Variants in NCKAP5 observed in about 807,000 individuals in gnomAD.
NCKAP5 encodes NCK associated protein 5.
A neutral mutation model predicts 167.0 loss-of-function variants in NCKAP5; 92 were observed. The observed-to-expected ratio is 0.55, with a 90% confidence interval of 0.47 to 0.66. The LOEUF (loss-of-function observed/expected upper bound fraction) is 0.66. Ranked by LOEUF, NCKAP5 falls within the 30% of genes least tolerant of loss-of-function variation. NCKAP5 has a pLI of 0.00. For synonymous variants in NCKAP5, 891 were observed against 877.4 expected, an observed-to-expected ratio of 1.02 and a Z score of -0.27; for missense variants, 2,378 against 2,315.0, an observed-to-expected ratio of 1.03 and a Z score of -0.56.
chr2:133,392,666 G>A (rs919557649), intron 3 of NCKAP5, among the ~76,000 whole-genome samples: 1 of 152,006 alleles, frequency 6.6e-6, no homozygotes, highest in Non-Finnish European at 1.5e-5. Flanking sequence ...GGAGACATAG[G>A]TTCCTCCCCT....
rs756042339 is a variant in NCKAP5 at position 132,784,656 on chromosome 2, A to C, written c.2155T>G (p.Cys719Gly). The C allele has an allele frequency of 6.2e-6, 10 of 1,613,764 alleles. No individual in the cohort carries two copies. The highest frequency in any genetic ancestry group is 8.5e-6 in the Non-Finnish European group (10 of 1,179,824). ...HTELLPQGIA[C>G]LQPRAAARDY... The stretch of plus-strand genomic sequence containing the variant: ...CTTGCAGCAGCTCTTGGCTGTAAAC[A>C]AGCAATTCCCTGAGGTAAAAGCTCA... Residue 719 changes from cysteine (C) to glycine (G), a missense_variant, in exon 14 of 20, where the codon TGT becomes GGT. Coordinates refer to ENST00000409261, the MANE Select transcript of NCKAP5 (RefSeq NM_207363.3).
At chr2:133,453,614 A>G (rs924280215) in intron 3 of NCKAP5, among the ~76,000 whole-genome samples, 3 of 152,156 alleles carry the variant, frequency 2.0e-5, no homozygotes, top group Non-Finnish European at 2.9e-5. Context: ...TGTAGCCAGT[A>G]AAATATATTT....
At chr2:132,798,150 C>T (rs1252122342) in intron 11 of NCKAP5, among the ~76,000 whole-genome samples, 1 of 152,132 alleles carries the variant, frequency 6.6e-6, no homozygotes, top group Admixed American at 6.6e-5. Flanking sequence ...GTAACCAGAA[C>T]CAATGCATTG....
intron 3 of NCKAP5, among the ~76,000 whole-genome samples, chr2:133,338,504 C>T (rs567234742): frequency 1.3e-5 from 2 of 152,180 alleles, no homozygotes; most frequent in African/African-American, 4.8e-5. Context: ...TTAATCAATT[C>T]TTCTCATAGC....
intron 3 of NCKAP5, among the ~76,000 whole-genome samples, chr2:133,459,012 A>C (rs929766145): frequency 1.3e-5 from 2 of 152,178 alleles, no homozygotes; most frequent in African/African-American, 4.8e-5. Context: ...CATCTAGTCC[A>C]TCTTTGGCTA....
intron 3 of NCKAP5, among the ~76,000 whole-genome samples, chr2:133,512,432 T>G (rs1247561966): frequency 5.3e-5 from 8 of 152,222 alleles, no homozygotes; most frequent in African/African-American, 1.7e-4. Flanking sequence ...GGATAGCCAT[T>G]ACAATCCAGC....
chr2:133,228,148 A>T (rs2086979043), intron 4 of NCKAP5, among the ~76,000 whole-genome samples: 1 of 152,206 alleles, frequency 6.6e-6, no homozygotes, highest in Admixed American at 6.5e-5. Context: ...CATATAGCAC[A>T]GTCTTAGATG....
At chr2:133,465,179 C>T (rs1432240156) in intron 3 of NCKAP5, among the ~76,000 whole-genome samples, 1 of 113,186 alleles carries the variant, frequency 8.8e-6, no homozygotes, top group African/African-American at 3.4e-5. Flanking sequence ...CCACAACAGT[C>T]CCCAGAGTGT....
intron 7 of NCKAP5, among the ~76,000 whole-genome samples, chr2:132,969,653 C>T (rs2076773821): frequency 6.6e-6 from 1 of 152,066 alleles, no homozygotes; most frequent in Admixed American, 6.5e-5. Flanking sequence ...AGTAAAAGTG[C>T]TCTCTGACAC....
the NCKAP5 span, among the ~76,000 whole-genome samples, chr2:133,662,905 C>A: frequency 2.6e-4 from 39 of 151,708 alleles, no homozygotes; most frequent in East Asian, 7.6e-3. Flanking sequence ...ATGCTACAGT[C>A]TTTTAAGTGT....
intron 5 of NCKAP5, among the ~76,000 whole-genome samples, chr2:133,195,092 C>T (rs2085381858): frequency 6.6e-6 from 1 of 151,942 alleles, no homozygotes; most frequent in Non-Finnish European, 1.5e-5. Context: ...GCCAAAGGTT[C>T]ATCTCAGAAG....
intron 8 of NCKAP5, among the ~76,000 whole-genome samples, chr2:132,956,878 T>C (rs757655894): frequency 6.6e-6 from 1 of 152,118 alleles, no homozygotes; most frequent in Non-Finnish European, 1.5e-5. Context: ...TCACCTTCCA[T>C]TTTCCTCCTA....
the NCKAP5 span, among the ~76,000 whole-genome samples, chr2:133,666,625 T>A: frequency 6.6e-6 from 1 of 152,102 alleles, no homozygotes; most frequent in Non-Finnish European, 1.5e-5. Flanking sequence ...TAAAATAATG[T>A]TGTAATGAAT....
At chr2:133,134,884 A>G (rs924240576) in intron 5 of NCKAP5, among the ~76,000 whole-genome samples, 2 of 152,210 alleles carry the variant, frequency 1.3e-5, no homozygotes, top group Non-Finnish European at 1.5e-5. Context: ...AAATCTATAT[A>G]GATTCTGATA....
intron 5 of NCKAP5, among the ~76,000 whole-genome samples, chr2:133,178,504 CAAAAAAAAAAAAAAAAAAAA>C (rs869253241): frequency 2.5e-4 from 6 of 23,952 alleles, no homozygotes; most frequent in African/African-American, 5.3e-4. Context: ...GACCCTGTCT[CAAAAAAAAAAAAAAAAAAAA>C]AAAAAAAAAA....
intron 6 of NCKAP5, among the ~76,000 whole-genome samples, chr2:133,079,669 A>G (rs1181041040): frequency 1.3e-5 from 2 of 152,168 alleles, no homozygotes; most frequent in African/African-American, 2.4e-5. Flanking sequence ...GAATTCTACC[A>G]TTGGAAATTC....
chr2:132,962,944 T>C (rs2076561049), intron 8 of NCKAP5, among the ~76,000 whole-genome samples: 1 of 152,112 alleles, frequency 6.6e-6, no homozygotes, highest in African/African-American at 2.4e-5. Flanking sequence ...GTAGACTCTA[T>C]GGTAGAACTG....
Position 133,303,205 on chromosome 2 carries a change from A to G in NCKAP5, c.70-95T>C, listed in dbSNP as rs1028974744. 3 of 785,476 alleles carry G rather than the reference A, an allele frequency of 3.8e-6. No homozygotes were observed. In the East Asian group the frequency reaches 8.1e-5, roughly 21 times the overall value. The allele number at this position is 785,476 out of a possible 1,614,324, so 48.7% of individuals were successfully genotyped here. On this transcript the variant is annotated intron_variant, in intron 3 of 19. Coordinates refer to ENST00000409261, the MANE Select transcript of NCKAP5 (RefSeq NM_207363.3). ...ATCTCTACAAGGAGTATTTTTGACA[A>G]CATTATCCCTACTTCCCTTCCGGTT...
At chr2:132,945,668 A>G (rs1422073450) in intron 8 of NCKAP5, among the ~76,000 whole-genome samples, 1 of 152,192 alleles carries the variant, frequency 6.6e-6, no homozygotes, top group African/African-American at 2.4e-5. Flanking sequence ...AGATTTTGCT[A>G]TTCACTCTAA....
Sources: allele counts gnomAD v4.1 joint callset (sites outside exome capture counted in the v4.1 genomes callset), GRCh38; gene constraint gnomAD v4.1.1; transcripts MANE v1.5; gene names NCBI Gene and HGNC (gene_info 2026-07-23, HGNC 2026-07-21).